TBC1D14: variants seen among roughly 807,000 people sequenced by gnomAD.
TBC1D14 encodes the protein TBC1 domain family, member 14.
TBC1D14 carries 26 observed loss-of-function variants against 79.0 expected under a neutral mutation model. That is an observed-to-expected ratio of 0.33 (90% CI 0.24 to 0.46). The LOEUF is 0.46. Ranked by LOEUF, TBC1D14 falls within the 20% of genes least tolerant of loss-of-function variation. The pLI, the probability that TBC1D14 is intolerant of heterozygous loss-of-function variation, is 1.00. For synonymous variants in TBC1D14, 394 were observed against 349.9 expected (o/e 1.13, Z -1.40); for missense variants, 769 against 887.6 (o/e 0.87, Z 1.70).
At chr4:7,012,067 G>A (rs963236501) in intron 11 of TBC1D14, among the ~76,000 whole-genome samples, 2 of 152,000 alleles carry the variant, frequency 1.3e-5, no homozygotes, top group East Asian at 2.0e-4. Context: ...TTGGGAGGCC[G>A]AGGAGGGCGG....
chr4:6,974,117 ATTACAGACATGAGCCG>A (rs1179185297), intron 3 of TBC1D14, among the ~76,000 whole-genome samples: 42 of 151,974 alleles, frequency 2.8e-4, no homozygotes, highest in African/African-American at 8.5e-4. Context: ...AGCCGCTGGG[ATTACAGACATGAGCCG>A]CTGCGCCCAG....
chr4:6,939,707 G>GC (rs761410925), intron 2 of TBC1D14, among the ~76,000 whole-genome samples: 16 of 150,480 alleles, frequency 1.1e-4, no homozygotes, highest in Non-Finnish European at 2.2e-4. Context: ...TCAGTGCCAG[G>GC]CTGTGAGTCC....
At chr4:6,928,522 G>A (rs1348719738) in intron 2 of TBC1D14, among the ~76,000 whole-genome samples, 1 of 152,146 alleles carries the variant, frequency 6.6e-6, no homozygotes, top group Non-Finnish European at 1.5e-5. Context: ...TGGGGTAATG[G>A]CACCTCTTGT....
intron 1 of TBC1D14, among the ~76,000 whole-genome samples, chr4:6,912,540 C>T (rs1723087065): frequency 6.6e-6 from 1 of 152,112 alleles, no homozygotes; most frequent in Non-Finnish European, 1.5e-5. Flanking sequence ...GCCCAGAGCT[C>T]CATCAGTATC....
At position 6,923,938 on chromosome 4, in the gene TBC1D14, G is replaced by C. The variant is rs755551083; in HGVS notation, c.549G>C (p.Thr183=). The C allele has an allele frequency of 3.1e-6, 5 of 1,614,148 alleles. No individual in the cohort carries two copies. Among genetic ancestry groups the C allele is most frequent in the Non-Finnish European group, 4.2e-6 (5 of 1,180,034 alleles). Reference sequence around the variant, plus strand: ...AGGACATCTTGGACCTTGTGGTCACGAGCAGCTCCAGTGCCATTGTGACCC... The same window carrying C: ...AGGACATCTTGGACCTTGTGGTCACCAGCAGCTCCAGTGCCATTGTGACCC... ...SNEDILDLVV[T]SSSSAIVTLE... The change falls in exon 2 of 14, where the codon ACG becomes ACC. Residue 183 remains threonine, a synonymous_variant. Coordinates refer to ENST00000409757, the MANE Select transcript of TBC1D14 (RefSeq NM_020773.3).
intron 12 of TBC1D14, among the ~76,000 whole-genome samples, chr4:7,023,028 G>A (rs767298256): frequency 1.3e-5 from 2 of 152,104 alleles, no homozygotes; most frequent in Non-Finnish European, 2.9e-5. Flanking sequence ...GGCTAAGGTA[G>A]GTGAATCACG....
intron 2 of TBC1D14, among the ~76,000 whole-genome samples, chr4:6,955,281 A>G (rs183072250): frequency 1.3e-5 from 2 of 152,356 alleles, no homozygotes; most frequent in East Asian, 3.9e-4. Context: ...ATTTAGAGGA[A>G]GCATTTAGGT....
intron 1 of TBC1D14, among the ~76,000 whole-genome samples, chr4:6,916,783 G>A (rs1390537650): frequency 6.6e-6 from 1 of 152,176 alleles, no homozygotes; most frequent in Non-Finnish European, 1.5e-5. Flanking sequence ...TCTTTCTCTT[G>A]GCCGGAAGGT....
rs151295415 is a variant in TBC1D14, at chr4:6,923,509, C to T, written c.120C>T (p.Leu40=). The change falls in exon 2 of 14, where the codon CTC becomes CTT. Residue 40 remains leucine (L), a synonymous_variant. Transcript: ENST00000409757. ...ACGTCAATCTCAAGGCGCCCCGACT[C>T]CTCTCCGCGCCTGAGTACGGGCCCA... ...LQHVNLKAPR[L]LSAPEYGPKL... 1 of 1,614,210 alleles carries T rather than the reference C, an allele frequency of 6.2e-7. No homozygotes were observed. Among genetic ancestry groups the T allele is most frequent in the Non-Finnish European group, 8.5e-7 (1 of 1,180,046 alleles).
At chr4:6,923,342 A>G in intron 1 of TBC1D14, 31 bp from the exon 2 acceptor site, 1 of 1,553,952 alleles carries the variant, frequency 6.4e-7, no homozygotes, top group East Asian at 2.3e-5. Flanking sequence ...TTTTATATCC[A>G]CTTTAATTTC....
At chr4:7,011,957 A>G (rs1436596613) in intron 11 of TBC1D14, among the ~76,000 whole-genome samples, 1 of 152,044 alleles carries the variant, frequency 6.6e-6, no homozygotes, top group Non-Finnish European at 1.5e-5. Context: ...TGATATCTTA[A>G]GGTTTACTGA....
intron 2 of TBC1D14, among the ~76,000 whole-genome samples, chr4:6,955,879 C>T (rs762624811): frequency 2.9e-4 from 44 of 152,290 alleles, no homozygotes; most frequent in Middle Eastern, 3.4e-3. Context: ...AAGTCCGAGT[C>T]GCAGCTCTGT....
At chr4:6,936,442 G>A (rs1712334191) in intron 2 of TBC1D14, among the ~76,000 whole-genome samples, 2 of 152,168 alleles carry the variant, frequency 1.3e-5, no homozygotes, top group South Asian at 4.1e-4. Context: ...ATGTAAATCC[G>A]AGTCTCTTCA....
intron 3 of TBC1D14, among the ~76,000 whole-genome samples, chr4:6,972,336 C>T (rs1286435775): frequency 6.6e-6 from 1 of 152,210 alleles, no homozygotes; most frequent in Non-Finnish European, 1.5e-5. Flanking sequence ...TCTCTGAGGT[C>T]ACCTGTTTCA....
chr4:7,013,767 G>A (rs1394847189), intron 11 of TBC1D14, among the ~76,000 whole-genome samples: 1 of 151,286 alleles, frequency 6.6e-6, no homozygotes, highest in Non-Finnish European at 1.5e-5. Context: ...TTTATGAGAT[G>A]GAGTCTCGCT....
chr4:7,027,585 C>A (rs759590144), intron 13 of TBC1D14, among the ~76,000 whole-genome samples: 11 of 146,498 alleles, frequency 7.5e-5, no homozygotes, highest in Non-Finnish European at 1.4e-4. Context: ...CATCACACAC[C>A]CACCCACGCA....
chr4:7,026,471 GT>G (rs1447992765), intron 13 of TBC1D14, among the ~76,000 whole-genome samples: 7 of 152,220 alleles, frequency 4.6e-5, no homozygotes, highest in African/African-American at 1.7e-4. Flanking sequence ...TTTATAGTTG[GT>G]TGGAATCAAG....
At chr4:6,977,000 A>G (rs10013696) in intron 3 of TBC1D14, among the ~76,000 whole-genome samples, 60,990 of 135,192 alleles carry the variant, frequency 0.45, 14,255 homozygotes, top group East Asian at 0.65. Context: ...CCAATGGACT[A>G]TCAATCCCGG....
intron 2 of TBC1D14, among the ~76,000 whole-genome samples, chr4:6,933,883 T>C (rs1450470013): frequency 6.6e-6 from 1 of 152,090 alleles, no homozygotes. Context: ...CAAGAGGTGA[T>C]GATGGCTTCA....
Sources: allele counts gnomAD v4.1 joint callset (sites outside exome capture counted in the v4.1 genomes callset), GRCh38; gene constraint gnomAD v4.1.1; transcripts MANE v1.5; gene names NCBI Gene and HGNC (gene_info 2026-07-23, HGNC 2026-07-21).